SHISAL1: variants seen among roughly 807,000 people sequenced by gnomAD.
The protein encoded by SHISAL1 is protein shisa-like-1.
Under a neutral mutation model 22.6 loss-of-function variants are expected in SHISAL1, and 9 were observed. The ratio of observed to expected loss-of-function variants is 0.40; its 90% confidence interval spans 0.24 to 0.70. The LOEUF (loss-of-function observed/expected upper bound fraction) is 0.70. Ranked by LOEUF, SHISAL1 falls within the 30% of genes least tolerant of loss-of-function variation. The pLI is 0.39. For missense variants in SHISAL1, 246 were observed against 270.6 expected (o/e 0.91, Z 0.64); for synonymous variants, 119 against 115.4 (o/e 1.03, Z -0.20).
At chr22:44,252,628 TAAA>T (rs11399241) in intron 4 of SHISAL1, among the ~76,000 whole-genome samples, 21,338 of 139,972 alleles carry the variant, frequency 0.15, 1,776 homozygotes, top group East Asian at 0.31. Context: ...CACACTTGCT[TAAA>T]AAAAAAAAAA....
chr22:44,322,320 C>A, the SHISAL1 span, among the ~76,000 whole-genome samples: 1 of 152,186 alleles, frequency 6.6e-6, no homozygotes, highest in African/African-American at 2.4e-5. Context: ...CAGAGCACTC[C>A]CATCCCTGGG....
chr22:44,320,022 G>A, the SHISAL1 span, among the ~76,000 whole-genome samples: 1 of 152,262 alleles, frequency 6.6e-6, no homozygotes, highest in African/African-American at 2.4e-5. Flanking sequence ...TTCATTTAAA[G>A]CCTCAGTTTC....
chr22:44,257,916 C>A (rs1338720777), intron 4 of SHISAL1, among the ~76,000 whole-genome samples: 1 of 152,106 alleles, frequency 6.6e-6, no homozygotes, highest in African/African-American at 2.4e-5. Context: ...CCGAGGTGGG[C>A]GGATCACCAG....
chr22:44,291,837 C>T (rs542532765), intron 3 of SHISAL1, among the ~76,000 whole-genome samples: 2 of 152,292 alleles, frequency 1.3e-5, no homozygotes, highest in East Asian at 1.9e-4. Context: ...CACACGGAGG[C>T]TTCCACAGAT....
intron 2 of SHISAL1, among the ~76,000 whole-genome samples, chr22:44,297,496 C>CAA (rs1163819661): frequency 1.3e-5 from 2 of 152,222 alleles, no homozygotes; most frequent in Non-Finnish European, 2.9e-5. Flanking sequence ...AAACAGCAGA[C>CAA]CCTTCGTTCC....
At chr22:44,298,625 G>A (rs1412186564) in intron 2 of SHISAL1, among the ~76,000 whole-genome samples, 1 of 152,242 alleles carries the variant, frequency 6.6e-6, no homozygotes, top group Non-Finnish European at 1.5e-5. Context: ...TGGGCAGAAA[G>A]TCTAGCTTAG....
chr22:44,250,963 G>A (rs2147266232), intron 4 of SHISAL1, among the ~76,000 whole-genome samples: 1 of 152,320 alleles, frequency 6.6e-6, no homozygotes, highest in East Asian at 1.9e-4. Flanking sequence ...TCCACCCTTT[G>A]CATTAGTGGG....
chr22:44,313,266 C>T (rs1409563703), upstream of SHISAL1, among the ~76,000 whole-genome samples: 1 of 152,248 alleles, frequency 6.6e-6, no homozygotes, highest in East Asian at 1.9e-4. Context: ...ATGTGGGTTC[C>T]CTCCCGTGGC....
At chr22:44,295,929 T>C (rs1036921337) in intron 3 of SHISAL1, among the ~76,000 whole-genome samples, 1 of 152,194 alleles carries the variant, frequency 6.6e-6, no homozygotes, top group South Asian at 2.1e-4. Context: ...CAGGCCCTGA[T>C]CCCAATGTAT....
the SHISAL1 span, among the ~76,000 whole-genome samples, chr22:44,319,575 C>T: frequency 1.3e-5 from 2 of 152,230 alleles, no homozygotes; most frequent in Non-Finnish European, 2.9e-5. Flanking sequence ...GATGTCCCCA[C>T]ACTCACGATG....
At chr22:44,268,047 C>T (rs1258801281) in intron 4 of SHISAL1, among the ~76,000 whole-genome samples, 1 of 152,208 alleles carries the variant, frequency 6.6e-6, no homozygotes, top group African/African-American at 2.4e-5. Flanking sequence ...TGGGGGCTTC[C>T]ATTATTCACA....
intron 2 of SHISAL1, among the ~76,000 whole-genome samples, chr22:44,298,047 C>G (rs143310527): frequency 6.6e-6 from 1 of 152,120 alleles, no homozygotes; most frequent in Non-Finnish European, 1.5e-5. Context: ...CTGCCTCCGG[C>G]GGGGGGCATG....
Position 44,284,893 on chromosome 22 carries a change from T to TCCTGCCTG in SHISAL1, c.599+534_599+535insCAGGCAGG, listed in dbSNP as rs376263550. Among the ~76,000 whole-genome samples the TCCTGCCTG allele has an allele frequency of 9.3e-3, 1,343 of 144,136 alleles. 21 individuals are homozygous for TCCTGCCTG. Among genetic ancestry groups the TCCTGCCTG allele is most frequent in the African/African-American group, 0.019 (731 of 38,440 alleles). The allele number at this position is 144,136 out of a possible 152,430, so 94.6% of individuals were successfully genotyped here. ...CCCTTGAGATGCCACCTCTCTGCCT[T>TCCTGCCTG]CCTGCCTTCCTTCCTTCCTTCCTTC... On this transcript the variant is annotated intron_variant, in intron 4 of 4. Coordinates refer to ENST00000381176, the MANE Select transcript of SHISAL1 (RefSeq NM_001099294.2).
upstream of SHISAL1, among the ~76,000 whole-genome samples, chr22:44,316,670 C>T (rs2055560186): frequency 6.6e-6 from 1 of 152,246 alleles, no homozygotes; most frequent in Non-Finnish European, 1.5e-5. Context: ...GCCCACAAAC[C>T]AGCAACCCTG....
intron 4 of SHISAL1, among the ~76,000 whole-genome samples, chr22:44,270,115 T>A (rs1018203460): frequency 2.0e-5 from 3 of 152,226 alleles, no homozygotes; most frequent in African/African-American, 7.2e-5. Flanking sequence ...GTCAGCTGCG[T>A]GGCAGTGGCC....
intron 4 of SHISAL1, among the ~76,000 whole-genome samples, chr22:44,281,486 C>T (rs1195356289): frequency 2.6e-5 from 4 of 151,950 alleles, no homozygotes; most frequent in Admixed American, 2.0e-4. Flanking sequence ...TGCCTCCTGC[C>T]GCGCTGTGAA....
intron 4 of SHISAL1, among the ~76,000 whole-genome samples, chr22:44,284,773 C>G (rs1174687422): frequency 6.6e-6 from 1 of 152,202 alleles, no homozygotes; most frequent in African/African-American, 2.4e-5. Flanking sequence ...AGGTCAGGCC[C>G]ATCCCCACCA....
At chr22:44,327,240 GCACA>G in the SHISAL1 span, among the ~76,000 whole-genome samples, 4,576 of 144,836 alleles carry the variant, frequency 0.032, 88 homozygotes, top group African/African-American at 0.045. Context: ...TGGGGGGCGC[GCACA>G]CACACACACA....
the SHISAL1 span, among the ~76,000 whole-genome samples, chr22:44,328,808 A>C: frequency 7.0e-6 from 1 of 143,700 alleles, no homozygotes. Context: ...TCAAACCCTC[A>C]CTCAAGCTGG....
Sources: gnomAD v4.1 joint callset for allele counts (sites outside exome capture counted in the v4.1 genomes callset) on GRCh38, gnomAD v4.1.1 for gene constraint, MANE v1.5 for transcripts, NCBI Gene and HGNC (gene_info 2026-07-23, HGNC 2026-07-21) for gene names.